GNB5: variants seen among roughly 807,000 people sequenced by gnomAD.
GNB5 encodes the protein guanine nucleotide-binding protein subunit beta-5.
A neutral mutation model predicts 55.3 loss-of-function variants in GNB5; 37 were observed. The ratio of observed to expected loss-of-function variants is 0.67; its 90% CI spans 0.51 to 0.88. GNB5 has a LOEUF of 0.88. Among genes scored for constraint, GNB5 ranks in the 40% least tolerant of loss-of-function variants. The pLI is 0.00. For missense variants in GNB5, 476 were observed against 515.3 expected, an observed-to-expected ratio of 0.92 and a Z score of 0.74; for synonymous variants, 219 against 198.5, an observed-to-expected ratio of 1.10 and a Z score of -0.87.
intron 10 of GNB5, 82 bp downstream of exon 10, chr15:52,128,114 C>A: frequency 2.2e-6 from 2 of 922,670 alleles, no homozygotes; most frequent in South Asian, 1.4e-5. Flanking sequence ...CTTCTGTAAC[C>A]AGAAAAATAG....
At chr15:52,155,045 G>A (rs1296076657) in intron 3 of GNB5, among the ~76,000 whole-genome samples, 1 of 152,192 alleles carries the variant, frequency 6.6e-6, no homozygotes, top group East Asian at 1.9e-4. Flanking sequence ...ATGCAGGGGA[G>A]GACGCCAAGG....
chr15:52,129,235 C>T (rs7178038), intron 9 of GNB5, among the ~76,000 whole-genome samples: 10,806 of 152,130 alleles, frequency 0.071, 1,281 homozygotes, highest in African/African-American at 0.25. Context: ...GGATTACAGG[C>T]GTGAGTCACC....
At chr15:52,171,734 T>C (rs2037527111) in intron 3 of GNB5, among the ~76,000 whole-genome samples, 2 of 152,196 alleles carry the variant, frequency 1.3e-5, no homozygotes, top group Admixed American at 6.5e-5. Flanking sequence ...ATCTAGAAAG[T>C]TGGTTTTCCT....
At position 52,133,440 on chromosome 15, in the gene GNB5, G is replaced by A. The variant is rs2033629052; in HGVS notation, c.801C>T (p.Asp267=). The A allele has an allele frequency of 6.2e-7, 1 of 1,612,854 alleles. No individual in the cohort carries two copies. Among genetic ancestry groups the A allele is most frequent in the Non-Finnish European group, 8.5e-7 (1 of 1,178,792 alleles). The change falls in exon 9 of 13, where the codon GAC becomes GAT. Residue 267 remains aspartate (D), a synonymous_variant. Coordinates refer to ENST00000261837, the MANE Select transcript of GNB5 (RefSeq NM_016194.4). ...GGCDKKAMVW[D]MRSGQCVQAF... Reference sequence around the variant, plus strand: ...CCTGCACGCACTGGCCGGAGCGCATGTCCCACACCATGGCTTTCTTGTCAC... The same window carrying A: ...CCTGCACGCACTGGCCGGAGCGCATATCCCACACCATGGCTTTCTTGTCAC...
At position 52,117,103 on chromosome 15, in the gene GNB5, T is replaced by TATTTATATA. The variant is rs1555403840; in HGVS notation, c.*5653_*5654insTATATAAAT. The TATTTATATA allele has an allele frequency of 7.3e-5, 7 of 96,092 alleles. 1 individual carries two copies. The highest frequency in any genetic ancestry group is 7.2e-4 in the Admixed American group (7 of 9,702). 6.0% of individuals were successfully genotyped at this position (96,092 alleles called of 1,614,324 possible). ...CACGCCCAGCTAATATATATATATA[T>TATTTATATA]TTTTTTTTAGTACAGACAGGGTTTC... is the stretch of plus-strand genomic sequence containing the variant. On this transcript the variant is annotated 3_prime_UTR_variant, in exon 13 of 13. Transcript: ENST00000261837.
At chr15:52,145,757 G>T (rs2033960330) in intron 6 of GNB5, among the ~76,000 whole-genome samples, 1 of 152,148 alleles carries the variant, frequency 6.6e-6, no homozygotes, top group Non-Finnish European at 1.5e-5. Flanking sequence ...CACCCTAAGG[G>T]AAGGGACACT....
At chr15:52,128,332 T>A in intron 9 of GNB5, 88 bp from the exon 10 acceptor site, 1 of 858,186 alleles carries the variant, frequency 1.2e-6, no homozygotes, top group Non-Finnish European at 2.0e-6. Context: ...AATCAGAATC[T>A]CTATTTCTAG....
intron 7 of GNB5, among the ~76,000 whole-genome samples, chr15:52,140,683 T>C (rs1403469286): frequency 6.6e-6 from 1 of 152,266 alleles, no homozygotes; most frequent in Non-Finnish European, 1.5e-5. Flanking sequence ...GTTTTCACTG[T>C]AGTGTATTTA....
rs1157602248 is a variant in GNB5 at position 52,118,174 on chromosome 15, CTCTT to C, written c.*4579_*4582del. Reference sequence around the variant, plus strand: ...TGGCTCTCCTCAATCATCCTGTCACCTCTTTCTTTGCCAAGCTCTTCCAAGGCCC... The same window carrying C: ...TGGCTCTCCTCAATCATCCTGTCACCTCTTTGCCAAGCTCTTCCAAGGCCC... On this transcript the variant is annotated 3_prime_UTR_variant, in exon 13 of 13. Transcript: ENST00000261837. 2 of 152,362 alleles carry C rather than the reference CTCTT, an allele frequency of 1.3e-5. No individual in the cohort carries two copies. The highest frequency in any genetic ancestry group is 2.9e-5 in the Non-Finnish European group (2 of 68,186). 9.4% of individuals were successfully genotyped at this position (152,362 alleles called of 1,614,324 possible).
chr15:52,180,034 C>T (rs1390942394), intron 2 of GNB5, 155 bp from the exon 3 acceptor site: 22 of 1,022,572 alleles, frequency 2.2e-5, no homozygotes, highest in Middle Eastern at 3.6e-4. Flanking sequence ...GCTGCTGCGC[C>T]TGAGCCCCAA....
chr15:52,134,982 T>A (rs555355409), intron 8 of GNB5, among the ~76,000 whole-genome samples: 1 of 152,104 alleles, frequency 6.6e-6, no homozygotes, highest in South Asian at 2.1e-4. Context: ...TTATAGCGGA[T>A]GCGACTTACA....
intron 3 of GNB5, among the ~76,000 whole-genome samples, chr15:52,154,463 T>C (rs1025213292): frequency 1.1e-4 from 17 of 152,300 alleles, no homozygotes; most frequent in African/African-American, 3.6e-4. Flanking sequence ...GCTATGCCCA[T>C]TTAGCAGATG....
chr15:52,175,137 C>T (rs1017681703), intron 3 of GNB5, among the ~76,000 whole-genome samples: 4 of 152,118 alleles, frequency 2.6e-5, no homozygotes, highest in African/African-American at 9.7e-5. Context: ...GAGTTGATTA[C>T]CTTAGCTGAT....
At chr15:52,184,102 AGCTTGATT>A (rs1434955961) in intron 2 of GNB5, among the ~76,000 whole-genome samples, 1 of 152,230 alleles carries the variant, frequency 6.6e-6, no homozygotes, top group Admixed American at 6.5e-5. Flanking sequence ...CTTCTCTTTT[AGCTTGATT>A]GCCTGCCAAG....
At chr15:52,157,163 T>C (rs12910052) in intron 3 of GNB5, among the ~76,000 whole-genome samples, 25,006 of 151,832 alleles carry the variant, frequency 0.16, 2,433 homozygotes, top group Admixed American at 0.3. Flanking sequence ...GTCTCAATCT[T>C]CTGACCTTGT....
intron 3 of GNB5, among the ~76,000 whole-genome samples, chr15:52,157,572 G>A (rs1178382475): frequency 1.3e-5 from 2 of 152,034 alleles, no homozygotes; most frequent in African/African-American, 4.8e-5. Flanking sequence ...AGGCTCTATC[G>A]GCCCAGAGTT....
At chr15:52,185,771 A>ATTATTAT (rs1365011424) in intron 1 of GNB5, among the ~76,000 whole-genome samples, 1 of 146,610 alleles carries the variant, frequency 6.8e-6, no homozygotes. Flanking sequence ...TATTATTATT[A>ATTATTAT]TTATTATTAT....
chr15:52,137,802 A>G, intron 7 of GNB5: 1 of 1,264,644 alleles, frequency 7.9e-7, no homozygotes, highest in South Asian at 1.3e-5. Context: ...TACTGACAGC[A>G]ATGGAGGGGA....
chr15:52,161,454 C>A (rs372347623), intron 3 of GNB5, among the ~76,000 whole-genome samples: 2 of 152,218 alleles, frequency 1.3e-5, no homozygotes, highest in East Asian at 3.9e-4. Flanking sequence ...CGCGCTACCA[C>A]GCCCGGCTAA....
Sources: allele counts gnomAD v4.1 joint callset (sites outside exome capture counted in the v4.1 genomes callset), GRCh38; gene constraint gnomAD v4.1.1; transcripts MANE v1.5; gene names NCBI Gene and HGNC (gene_info 2026-07-23, HGNC 2026-07-21).